The following CTNNA2 variants were observed in gnomAD, a reference collection of about 807,000 sequenced individuals.
The protein encoded by CTNNA2 is catenin alpha-2.
CTNNA2 carries 42 observed loss-of-function variants against 101.0 expected under a neutral mutation model. The observed-to-expected ratio is 0.42, with a 90% CI of 0.32 to 0.54. The LOEUF (loss-of-function observed/expected upper bound fraction) is 0.54. CTNNA2 is among the 20% of genes least tolerant of loss of function. The pLI, the probability that CTNNA2 is intolerant of heterozygous loss-of-function variation, is 0.14. For missense variants in CTNNA2, 871 were observed against 1,223.1 expected (o/e 0.71, Z 4.29); for synonymous variants, 450 against 456.4 (o/e 0.99, Z 0.18).
intron 2 of CTNNA2, among the ~76,000 whole-genome samples, chr2:79,216,789 G>T (rs181626073): frequency 1.3e-5 from 2 of 151,738 alleles, no homozygotes; most frequent in Non-Finnish European, 2.9e-5. Context: ...GAAAAGCAGA[G>T]AAGGGGTAGA....
chr2:80,548,474 C>T (rs1271093222), intron 11 of CTNNA2, among the ~76,000 whole-genome samples: 6 of 152,142 alleles, frequency 3.9e-5, no homozygotes, highest in East Asian at 3.9e-4. Flanking sequence ...TTTCCTCCCC[C>T]GAGCCCTGCC....
At chr2:80,563,785 A>T (rs1426773321) in intron 12 of CTNNA2, among the ~76,000 whole-genome samples, 1 of 152,132 alleles carries the variant, frequency 6.6e-6, no homozygotes, top group African/African-American at 2.4e-5. Context: ...TCTTCGGTGT[A>T]CCTGTTACTC....
intron 18 of CTNNA2, among the ~76,000 whole-genome samples, chr2:80,623,137 T>G (rs1053172871): frequency 2.6e-5 from 4 of 151,706 alleles, no homozygotes; most frequent in African/African-American, 9.7e-5. Context: ...TTCTCCTTTC[T>G]TCCTCCTAAG....
chr2:80,213,102 C>T (rs1448892344), intron 7 of CTNNA2, among the ~76,000 whole-genome samples: 2 of 152,028 alleles, frequency 1.3e-5, no homozygotes, highest in Non-Finnish European at 2.9e-5. Flanking sequence ...ATTCTTCTCT[C>T]TTTTCTTCTT....
intron 2 of CTNNA2, among the ~76,000 whole-genome samples, chr2:79,257,441 G>A (rs1473112028): frequency 6.6e-6 from 1 of 151,462 alleles, no homozygotes; most frequent in Non-Finnish European, 1.5e-5. Flanking sequence ...TGTGATTGTT[G>A]TAAGAGTGAT....
At chr2:80,273,272 C>T (rs1673640844) in intron 7 of CTNNA2, among the ~76,000 whole-genome samples, 1 of 152,234 alleles carries the variant, frequency 6.6e-6, no homozygotes, top group East Asian at 1.9e-4. Context: ...ATCGATTTTT[C>T]TTACATTCCA....
At chr2:80,008,796 A>C (rs1222461296) in intron 7 of CTNNA2, among the ~76,000 whole-genome samples, 1 of 152,222 alleles carries the variant, frequency 6.6e-6, no homozygotes, top group East Asian at 1.9e-4. Context: ...GAGATAACTT[A>C]TGTAAACAAC....
chr2:79,644,806 C>T (rs941646625), intron 1 of CTNNA2, among the ~76,000 whole-genome samples: 3 of 152,130 alleles, frequency 2.0e-5, no homozygotes. Flanking sequence ...CTCTCATTCT[C>T]CAGAAATGGC....
At chr2:79,436,344 C>T (rs1043620794) in intron 4 of CTNNA2, among the ~76,000 whole-genome samples, 5 of 152,176 alleles carry the variant, frequency 3.3e-5, no homozygotes, top group African/African-American at 1.2e-4. Context: ...TAAGCAGGCC[C>T]TTGAGGCCAG....
At chr2:79,532,651 G>A (rs962580319) in intron 1 of CTNNA2, among the ~76,000 whole-genome samples, 4 of 151,598 alleles carry the variant, frequency 2.6e-5, no homozygotes, top group South Asian at 2.1e-4. Flanking sequence ...TCCAAAAACC[G>A]CCAAGCTGCT....
At chr2:80,603,838 A>G (rs1697766882) in intron 15 of CTNNA2, 16 of 482,692 alleles carry the variant, frequency 3.3e-5, no homozygotes, top group Middle Eastern at 5.5e-4. Flanking sequence ...GTTTAGAAAT[A>G]TAGAACTTAA....
intron 7 of CTNNA2, among the ~76,000 whole-genome samples, chr2:79,939,381 A>G (rs1480767347): frequency 6.6e-6 from 1 of 152,226 alleles, no homozygotes; most frequent in Admixed American, 6.5e-5. Context: ...TTACATTGGA[A>G]TAAATATATT....
chr2:79,489,212 A>G (rs753151625), intron 4 of CTNNA2, among the ~76,000 whole-genome samples: 27 of 151,742 alleles, frequency 1.8e-4, no homozygotes, highest in Admixed American at 2.6e-4. Context: ...TTATTTACTC[A>G]TTATTTTCTC....
At chr2:80,228,402 C>T (rs1256037767) in intron 7 of CTNNA2, among the ~76,000 whole-genome samples, 2 of 152,084 alleles carry the variant, frequency 1.3e-5, no homozygotes, top group African/African-American at 4.8e-5. Flanking sequence ...GGCACTAATA[C>T]CATTCATGAG....
Position 79,504,723 on chromosome 2 carries a change from T to TAA in CTNNA2, c.-134-329_-134-328dup, listed in dbSNP as rs549884424. Among the ~76,000 whole-genome samples, 505 of 152,346 alleles carry TAA rather than the reference T, an allele frequency of 3.3e-3. 3 individuals carry two copies. The highest frequency in any genetic ancestry group is 0.012 in the African/African-American group (481 of 41,574). ...CAATGTGAGGGTATCTTTCATTATATAAAGAGTGGATGCATCTTGATCAGG... is the reference window on the plus strand; with the variant it reads ...CAATGTGAGGGTATCTTTCATTATATAAAAAGAGTGGATGCATCTTGATCAGG... On this transcript the variant is annotated intron_variant, in intron 4 of 21. Coordinates refer to the CTNNA2 transcript ENST00000466387.
At chr2:79,789,681 A>AT (rs779620488) in intron 3 of CTNNA2, among the ~76,000 whole-genome samples, 1 of 152,082 alleles carries the variant, frequency 6.6e-6, no homozygotes, top group Non-Finnish European at 1.5e-5. Flanking sequence ...CACGTGGCAC[A>AT]TTTTTACGGT....
At chr2:80,088,235 T>A (rs1699570629) in intron 7 of CTNNA2, among the ~76,000 whole-genome samples, 1 of 152,054 alleles carries the variant, frequency 6.6e-6, no homozygotes, top group African/African-American at 2.4e-5. Flanking sequence ...TACTTGTTGT[T>A]TATTCAGGGC....
intron 7 of CTNNA2, among the ~76,000 whole-genome samples, chr2:80,143,797 C>T (rs1703161192): frequency 6.6e-6 from 1 of 152,126 alleles, no homozygotes. Context: ...TCTGTTTTGC[C>T]AAATACTTGA....
chr2:79,604,356 T>G (rs1677746163), intron 1 of CTNNA2, among the ~76,000 whole-genome samples: 2 of 152,210 alleles, frequency 1.3e-5, no homozygotes, highest in African/African-American at 4.8e-5. Context: ...TAGGCTTCAA[T>G]GTACAGTGAT....
Sources: gnomAD v4.1 joint callset for allele counts (sites outside exome capture counted in the v4.1 genomes callset) on GRCh38, gnomAD v4.1.1 for gene constraint, MANE v1.5 for transcripts, NCBI Gene and HGNC (gene_info 2026-07-23, HGNC 2026-07-21) for gene names.